Variants in SGIP1 observed in about 807,000 individuals in gnomAD.
The protein encoded by SGIP1 is SH3-containing GRB2-like protein 3-interacting protein 1.
A neutral mutation model predicts 107.5 loss-of-function variants in SGIP1; 38 were observed. The ratio of observed to expected loss-of-function variants is 0.35; its 90% CI spans 0.27 to 0.46. The LOEUF (loss-of-function observed/expected upper bound fraction) is 0.46, where lower values mean the gene tolerates loss of function less well. SGIP1 is among the 20% of genes least tolerant of loss of function. SGIP1 has a pLI of 1.00. For synonymous variants in SGIP1, 365 were observed against 366.1 expected (o/e 1.00, Z 0.03); for missense variants, 929 against 1,019.5 (o/e 0.91, Z 1.21).
intron 23 of SGIP1, among the ~76,000 whole-genome samples, chr1:66,740,989 T>A (rs1183952333): frequency 1.3e-5 from 2 of 152,212 alleles, no homozygotes; most frequent in Admixed American, 1.3e-4. Flanking sequence ...CCACGCTCCC[T>A]GATTAGATAT....
At chr1:66,617,354 C>T (rs2069620879) in intron 1 of SGIP1, among the ~76,000 whole-genome samples, 1 of 152,148 alleles carries the variant, frequency 6.6e-6, no homozygotes, top group Admixed American at 6.5e-5. Flanking sequence ...TCCATCTTAA[C>T]TGGTCTTATG....
chr1:66,624,639 A>G (rs1402841803), intron 1 of SGIP1, among the ~76,000 whole-genome samples: 2 of 152,212 alleles, frequency 1.3e-5, no homozygotes, highest in Non-Finnish European at 2.9e-5. Context: ...GGAAAAATGT[A>G]TCATCAACTC....
chr1:66,588,239 A>T (rs1295852412), intron 1 of SGIP1, among the ~76,000 whole-genome samples: 25 of 152,214 alleles, frequency 1.6e-4, no homozygotes, highest in Non-Finnish European at 2.9e-5. Flanking sequence ...GAATAGCTCC[A>T]TATATATTTG....
In SGIP1 at chr1:66,635,953, C is replaced by T. The variant is rs777494003; in HGVS notation, c.109C>T (p.Pro37Ser). 1 of 1,613,776 alleles carries T rather than the reference C, an allele frequency of 6.2e-7. No homozygotes were observed. The highest frequency in any genetic ancestry group is 8.5e-7 in the Non-Finnish European group (1 of 1,179,832). ...SPDRDGIQPS[P>S]HEPPYNSKAE... ...AAACAATCAATTCCAGCAGCCCAGC[C>T]CACACGAACCACCCTACAATAGCAA... is the stretch of plus-strand genomic sequence containing the variant. Residue 37 changes from proline to serine, a missense_variant, in exon 4 of 25, where the codon CCA (proline) becomes TCA (serine). Pro to Ser is a moderately conservative substitution (Grantham distance 74). Transcript: ENST00000371037.
chr1:66,687,013 C>G (rs1051646775), intron 15 of SGIP1, among the ~76,000 whole-genome samples: 3 of 152,130 alleles, frequency 2.0e-5, no homozygotes, highest in Admixed American at 2.0e-4. Context: ...AGGTTTCAGG[C>G]CAGTAGGGCC....
At chr1:66,540,698 T>C (rs1271740014) in intron 1 of SGIP1, among the ~76,000 whole-genome samples, 3 of 152,230 alleles carry the variant, frequency 2.0e-5, no homozygotes, top group Non-Finnish European at 4.4e-5. Context: ...TTTGTTAATC[T>C]TAGGAGCTCA....
At chr1:66,622,550 T>C (rs763874601) in intron 1 of SGIP1, among the ~76,000 whole-genome samples, 5 of 152,184 alleles carry the variant, frequency 3.3e-5, no homozygotes, top group Non-Finnish European at 7.3e-5. Context: ...CTTTTAAAAA[T>C]CCATCTATAT....
At chr1:66,694,859 G>A (rs1009793207) in intron 17 of SGIP1, 5 of 245,940 alleles carry the variant, frequency 2.0e-5, no homozygotes, top group African/African-American at 1.1e-4. Context: ...TAGTAATCTT[G>A]TTTTCTCTTT....
At chr1:66,591,732 T>A (rs2063666927) in intron 1 of SGIP1, among the ~76,000 whole-genome samples, 1 of 152,176 alleles carries the variant, frequency 6.6e-6, no homozygotes, top group African/African-American at 2.4e-5. Context: ...GTCTCTGAGT[T>A]CCCTCAGTAT....
At chr1:66,648,238 CA>C in intron 7 of SGIP1, among the ~76,000 whole-genome samples, 1 of 152,306 alleles carries the variant, frequency 6.6e-6, no homozygotes, top group Non-Finnish European at 1.5e-5. Flanking sequence ...GAGGTGCTGA[CA>C]GTTGAAGGCT....
intron 1 of SGIP1, among the ~76,000 whole-genome samples, chr1:66,577,756 CTG>C (rs6143251): frequency 0.066 from 9,490 of 144,754 alleles, 348 homozygotes; most frequent in Non-Finnish European, 0.089. Context: ...TAATGCAGTC[CTG>C]TGTGTGTGTG....
At chr1:66,683,485 T>C (rs1385125481) in intron 15 of SGIP1, among the ~76,000 whole-genome samples, 1 of 152,094 alleles carries the variant, frequency 6.6e-6, no homozygotes, top group African/African-American at 2.4e-5. Flanking sequence ...TCCGTGGTGA[T>C]CAAGAAGAGT....
intron 4 of SGIP1, among the ~76,000 whole-genome samples, chr1:66,636,756 C>T (rs566010634): frequency 6.6e-6 from 1 of 152,268 alleles, no homozygotes; most frequent in South Asian, 2.1e-4. Flanking sequence ...ACCTTTAACA[C>T]GCCCCACCCA....
chr1:66,541,548 G>C (rs992136440), intron 1 of SGIP1, among the ~76,000 whole-genome samples: 2 of 152,206 alleles, frequency 1.3e-5, no homozygotes, highest in Non-Finnish European at 2.9e-5. Context: ...AGATGTAAAT[G>C]CCATGAAAGT....
intron 19 of SGIP1, among the ~76,000 whole-genome samples, chr1:66,723,173 G>A (rs2093616949): frequency 6.6e-6 from 1 of 152,092 alleles, no homozygotes; most frequent in African/African-American, 2.4e-5. Context: ...ATCACCAGGT[G>A]GAAATAATGC....
chr1:66,539,659 G>T (rs1366342420), intron 1 of SGIP1, among the ~76,000 whole-genome samples: 2 of 152,132 alleles, frequency 1.3e-5, no homozygotes, highest in Non-Finnish European at 2.9e-5. Flanking sequence ...CACACTGCCT[G>T]CCTCCTCATG....
intron 15 of SGIP1, 99 bp downstream of exon 15, chr1:66,682,468 G>A: frequency 6.9e-7 from 1 of 1,446,034 alleles, no homozygotes; most frequent in Non-Finnish European, 9.3e-7. Flanking sequence ...TGGCTTCAGA[G>A]CTTCAGCCCT....
At chr1:66,695,295 T>C (rs1396907035) in intron 17 of SGIP1, 139 bp from the exon 18 acceptor site, 1 of 1,411,758 alleles carries the variant, frequency 7.1e-7, no homozygotes, top group African/African-American at 1.5e-5. Context: ...GCCTTCCCTT[T>C]TTCCTGCACG....
At chr1:66,541,592 C>T (rs1571029610) in intron 1 of SGIP1, among the ~76,000 whole-genome samples, 1 of 152,222 alleles carries the variant, frequency 6.6e-6, no homozygotes, top group Non-Finnish European at 1.5e-5. Context: ...CATCTACTCA[C>T]ATGTTTTTTG....
Sources: gnomAD v4.1 joint callset for allele counts (sites outside exome capture counted in the v4.1 genomes callset) on GRCh38, gnomAD v4.1.1 for gene constraint, MANE v1.5 for transcripts, NCBI Gene and HGNC (gene_info 2026-07-23, HGNC 2026-07-21) for gene names.